RAB11FIP3: variants seen among roughly 807,000 people sequenced by gnomAD.
RAB11FIP3 encodes rab11 family-interacting protein 3.
RAB11FIP3 carries 17 observed loss-of-function variants against 77.8 expected under a neutral mutation model. The observed-to-expected ratio is 0.22, with a 90% CI of 0.15 to 0.33. RAB11FIP3 has a LOEUF of 0.33. Ranked by LOEUF, RAB11FIP3 falls within the 10% of genes least tolerant of loss-of-function variation. The probability of loss-of-function intolerance (pLI) is 1.00; values close to 1 mark genes in which losing one functional copy is unlikely to be tolerated. For missense variants in RAB11FIP3, 1,005 were observed against 1,011.2 expected, an observed-to-expected ratio of 0.99 and a Z score of 0.08; for synonymous variants, 437 against 448.2, an observed-to-expected ratio of 0.98 and a Z score of 0.31.
At chr16:430,341 T>G (rs940253405) in intron 1 of RAB11FIP3, among the ~76,000 whole-genome samples, 2 of 152,184 alleles carry the variant, frequency 1.3e-5, no homozygotes, top group African/African-American at 4.8e-5. Flanking sequence ...AATTTACATG[T>G]TATTTTTACA....
chr16:520,870 G>A lies in RAB11FIP3; in HGVS notation c.*31G>A, dbSNP rs762068725. On this transcript the variant is annotated 3_prime_UTR_variant, in exon 14 of 14. Coordinates refer to ENST00000262305, the MANE Select transcript of RAB11FIP3 (RefSeq NM_014700.4). ...GGAAGGTCCAGCCTGAGCTGGATTC[G>A]GGACTCCAACACCCTGGAGTGGTTC... is the stretch of plus-strand genomic sequence containing the variant. 6.3e-6 allele frequency: 10 copies of A among 1,575,222 alleles called. No homozygotes were observed. Among genetic ancestry groups the A allele is most frequent in the East Asian group, 2.2e-5 (1 of 44,704 alleles).
At chr16:428,046 A>G (rs2054979921) in intron 1 of RAB11FIP3, among the ~76,000 whole-genome samples, 1 of 151,240 alleles carries the variant, frequency 6.6e-6, no homozygotes, top group South Asian at 2.1e-4. Flanking sequence ...GCTTGCAGTG[A>G]GCGGAGATCG....
intron 8 of RAB11FIP3, 94 bp from the exon 9 acceptor site, chr16:510,566 G>A: frequency 7.1e-7 from 1 of 1,408,068 alleles, no homozygotes; most frequent in Non-Finnish European, 9.4e-7. Context: ...GTGGAGGCAG[G>A]TTCTCTGGAG....
chr16:462,892 CAAT>C (rs1441273238), intron 2 of RAB11FIP3, among the ~76,000 whole-genome samples: 1 of 151,998 alleles, frequency 6.6e-6, no homozygotes, highest in African/African-American at 2.4e-5. Context: ...TTCCCCAGCA[CAAT>C]GTCTTCCCCA....
In RAB11FIP3 at chr16:426,741, G is replaced by C. The variant is rs752644595; in HGVS notation, c.714+21G>C. Reference sequence around the variant, plus strand: ...AGCAGGTACGGAGCGGCCCGGGCCGGGGCGTGGGAACTGGGCAGGTGCGCG... The same window carrying C: ...AGCAGGTACGGAGCGGCCCGGGCCGCGGCGTGGGAACTGGGCAGGTGCGCG... On this transcript the variant is annotated intron_variant, in intron 1 of 13. Transcript: ENST00000262305. The surrounding 1 kb of genome is among the most constrained non-coding windows in gnomAD (Gnocchi z 5.0). 1 of 1,466,508 alleles carries C rather than the reference G, an allele frequency of 6.8e-7. No individual in the cohort carries two copies. The highest frequency in any genetic ancestry group is 9.0e-7 in the Non-Finnish European group (1 of 1,107,328). 90.8% of individuals were successfully genotyped at this position (1,466,508 alleles called of 1,614,324 possible). A position where few individuals can be genotyped will look rare whatever the true frequency, so the allele number is the denominator to read the frequency against.
Position 426,016 on chromosome 16 carries a change from G to A in RAB11FIP3, c.10G>A (p.Ala4Thr). 4 of 990,508 alleles carry A rather than the reference G, an allele frequency of 4.0e-6. No individual in the cohort carries two copies. Among genetic ancestry groups the A allele is most frequent in the Non-Finnish European group, 3.6e-6 (3 of 834,532 alleles). The allele number at this position is 990,508 out of a possible 1,614,324, so 61.4% of individuals were successfully genotyped here. Residue 4 changes from alanine to threonine, a missense_variant, in exon 1 of 14, where the codon GCC (alanine) becomes ACC (threonine). Ala to Thr is a moderately conservative substitution (Grantham distance 58). Around this residue, in one of 4 missense-constraint regions of RAB11FIP3, gnomAD observed 466 missense variants for 408.3 expected, o/e 1.14. Coordinates refer to ENST00000262305, the MANE Select transcript of RAB11FIP3 (RefSeq NM_014700.4). The surrounding 1 kb of genome is among the most constrained non-coding windows in gnomAD (Gnocchi z 5.0). MAS[A>T]PPASPPGSEP... The stretch of plus-strand genomic sequence containing the variant: ...CTAGCCTCTCGGGAGCATGGCGTCG[G>A]CCCCGCCGGCCTCGCCCCCGGGCTC...
chr16:507,679 G>A lies in RAB11FIP3; in HGVS notation c.1499+2052G>A, dbSNP rs1041597155. On this transcript the variant is annotated intron_variant, in intron 8 of 13. Coordinates refer to ENST00000262305, the MANE Select transcript of RAB11FIP3 (RefSeq NM_014700.4). The surrounding 1 kb of genome is among the most constrained non-coding windows in gnomAD (Gnocchi z 4.6). ...CACTGACCGTCTGCAGTGCAGCCCC[G>A]GCCACATTCAGTTCCTGTGGCTGTT... Among the ~76,000 whole-genome samples, 2 of 152,220 alleles carry A rather than the reference G, an allele frequency of 1.3e-5. No homozygotes were observed. Among genetic ancestry groups the A allele is most frequent in the Admixed American group, 6.5e-5 (1 of 15,286 alleles).
At chr16:469,119 G>A (rs901491217) in intron 2 of RAB11FIP3, among the ~76,000 whole-genome samples, 2 of 151,998 alleles carry the variant, frequency 1.3e-5, no homozygotes, top group Admixed American at 6.5e-5. Context: ...AGGCTGGAGT[G>A]CAGTGGCGCG....
rs962167409 is a variant in RAB11FIP3, at chr16:510,567, T to G, written c.1500-93T>G. On this transcript the variant is annotated intron_variant, in intron 8 of 13. Coordinates refer to ENST00000262305, the MANE Select transcript of RAB11FIP3 (RefSeq NM_014700.4). Reference sequence around the variant, plus strand: ...TGCCCTACTCCCGAGTGGAGGCAGGTTCTCTGGAGGTCCTGAGGCAGCTTC... The same window carrying G: ...TGCCCTACTCCCGAGTGGAGGCAGGGTCTCTGGAGGTCCTGAGGCAGCTTC... 1.1e-5 allele frequency: 16 copies of G among 1,405,064 alleles called. No homozygotes were observed. In the African/African-American group the frequency reaches 2.3e-4, roughly 20 times the overall value. The allele number at this position is 1,405,064 out of a possible 1,614,324, so 87.0% of individuals were successfully genotyped here. A position where few individuals can be genotyped will look rare whatever the true frequency, so the allele number is the denominator to read the frequency against.
At position 522,634 on chromosome 16, in the gene RAB11FIP3, G is replaced by C. The variant is rs2032748992; in HGVS notation, c.*1795G>C. The C allele has an allele frequency of 6.6e-6, 1 of 152,246 alleles. No individual in the cohort carries two copies. The highest frequency in any genetic ancestry group is 2.4e-5 in the African/African-American group (1 of 41,456). 9.4% of individuals were successfully genotyped at this position (152,246 alleles called of 1,614,324 possible). On this transcript the variant is annotated 3_prime_UTR_variant, in exon 14 of 14. Transcript: ENST00000262305. ...TGGCTCTGCAGCTTGGTCAGACTAA[G>C]ACCCTTCCAAGGCCGTAGGATTGCA... is the stretch of plus-strand genomic sequence containing the variant.
At chr16:453,078 TTTA>T (rs1361964792) in intron 1 of RAB11FIP3, among the ~76,000 whole-genome samples, 1 of 122,650 alleles carries the variant, frequency 8.2e-6, no homozygotes, top group Non-Finnish European at 1.7e-5. Flanking sequence ...TTAATTTTTT[TTTA>T]TTTTTTATTT....
intron 3 of RAB11FIP3, among the ~76,000 whole-genome samples, chr16:473,591 C>G (rs992228264): frequency 1.4e-5 from 2 of 141,326 alleles, no homozygotes; most frequent in African/African-American, 2.6e-5. Context: ...GTAACCACCA[C>G]GCCCAGCTGA....
chr16:428,774 A>G (rs1482737149), intron 1 of RAB11FIP3, among the ~76,000 whole-genome samples: 1 of 152,166 alleles, frequency 6.6e-6, no homozygotes, highest in Non-Finnish European at 1.5e-5. Context: ...TATTTGAGAA[A>G]CATCTTTTGT....
chr16:471,493 C>T lies in RAB11FIP3; in HGVS notation c.903+104C>T. 1.9e-6 allele frequency: 2 copies of T among 1,051,190 alleles called. No homozygotes were observed. The highest frequency in any genetic ancestry group is 2.9e-6 in the Non-Finnish European group (2 of 700,738). 65.1% of individuals were successfully genotyped at this position (1,051,190 alleles called of 1,614,324 possible). A position where few individuals can be genotyped will look rare whatever the true frequency, so the allele number is the denominator to read the frequency against. ...GCCTCCGGGCTGTCTTCCGTAGAAG[C>T]TGGCGTGAAGGAAGGGCCTCCCGCC... On this transcript the variant is annotated intron_variant, in intron 3 of 13. Coordinates refer to ENST00000262305, the MANE Select transcript of RAB11FIP3 (RefSeq NM_014700.4). The surrounding 1 kb of genome is among the most constrained non-coding windows in gnomAD (Gnocchi z 4.4).
At position 473,131 on chromosome 16, in the gene RAB11FIP3, C is replaced by A. The variant is rs367838390; in HGVS notation, c.903+1742C>A. Among the ~76,000 whole-genome samples, 4 of 152,196 alleles carry A rather than the reference C, an allele frequency of 2.6e-5. No individual in the cohort carries two copies. The East Asian group carries it at 7.7e-4, about 29-fold the overall frequency. On this transcript the variant is annotated intron_variant, in intron 3 of 13. Transcript: ENST00000262305. ...GGTCTGTGCTAGTTCGTTATGGCAG[C>A]CCTGGGCAGGGAAACCTTGAGTGAC...
At chr16:512,910 G>A (rs567479392) in intron 9 of RAB11FIP3, among the ~76,000 whole-genome samples, 13 of 150,192 alleles carry the variant, frequency 8.7e-5, no homozygotes, top group African/African-American at 2.5e-4. Flanking sequence ...TTGAACTCCT[G>A]GGCTCAAGCA....
chr16:447,773 A>T (rs1309311172), intron 1 of RAB11FIP3, among the ~76,000 whole-genome samples: 1 of 152,178 alleles, frequency 6.6e-6, no homozygotes, highest in African/African-American at 2.4e-5. Flanking sequence ...TATAAATTAT[A>T]CCTGTCTCCC....
At chr16:517,954 C>A (rs1003433014) in intron 9 of RAB11FIP3, among the ~76,000 whole-genome samples, 3 of 152,128 alleles carry the variant, frequency 2.0e-5, no homozygotes, top group African/African-American at 7.2e-5. Context: ...TGGTGGCAGT[C>A]GCCTGTAGTC....
At chr16:468,047 G>A (rs1412530647) in intron 2 of RAB11FIP3, among the ~76,000 whole-genome samples, 6 of 51,746 alleles carry the variant, frequency 1.2e-4, no homozygotes, top group Admixed American at 1.0e-3. Flanking sequence ...AGGAGGTGCA[G>A]GGGCGTTGGA....
Sources: gnomAD v4.1 joint callset for allele counts (sites outside exome capture counted in the v4.1 genomes callset) on GRCh38, gnomAD v4.1.1 for gene constraint, gnomAD v4.1.1 regional missense constraint, Gnocchi (gnomAD v3.1) non-coding constraint, MANE v1.5 for transcripts, NCBI Gene and HGNC (gene_info 2026-07-23, HGNC 2026-07-21) for gene names.